RRAS2: variants seen among roughly 807,000 people sequenced by gnomAD.
RRAS2 encodes the protein ras-related protein R-Ras2.
RRAS2 carries 7 observed loss-of-function variants against 27.6 expected under a neutral mutation model. That is an observed-to-expected ratio of 0.25 (90% CI 0.14 to 0.48). The LOEUF (loss-of-function observed/expected upper bound fraction) is 0.48. Among genes scored for constraint, RRAS2 ranks in the 20% least tolerant of loss-of-function variants. RRAS2 has a pLI of 0.99. For synonymous variants in RRAS2, 86 were observed against 90.9 expected (o/e 0.95, Z 0.31); for missense variants, 178 against 256.2 (o/e 0.69, Z 2.08).
intron 4 of RRAS2, among the ~76,000 whole-genome samples, chr11:14,291,166 A>G (rs1480495328): frequency 6.6e-6 from 1 of 152,244 alleles, no homozygotes; most frequent in African/African-American, 2.4e-5. Flanking sequence ...ACAGGAAAAC[A>G]TACACATTAT....
Position 14,358,499 on chromosome 11 carries a change from G to A in RRAS2, c.108+264C>T. ...GGCCAGAGCAATAAGGTGGATCGGT[G>A]CTTCCCACCCTTCCAGCTCCGCCCT... On this transcript the variant is annotated intron_variant, in intron 1 of 5. Coordinates refer to ENST00000256196, the MANE Select transcript of RRAS2 (RefSeq NM_012250.6). This position sits in a 1 kb window ranked among gnomAD's most constrained non-coding sequence, Gnocchi z 5.1. 2.0e-6 allele frequency: 2 copies of A among 985,748 alleles called. No individual in the cohort carries two copies. The highest frequency in any genetic ancestry group is 2.4e-6 in the Non-Finnish European group (2 of 830,254). 61.1% of individuals were successfully genotyped at this position (985,748 alleles called of 1,614,324 possible). A position where few individuals can be genotyped will look rare whatever the true frequency, so the allele number is the denominator to read the frequency against.
chr11:14,325,759 T>C (rs900910914), intron 1 of RRAS2, among the ~76,000 whole-genome samples: 2 of 152,350 alleles, frequency 1.3e-5, no homozygotes, highest in African/African-American at 4.8e-5. Context: ...AAATTTTGTA[T>C]GGAAGACTGT....
At chr11:14,280,391 AAGT>A (rs1185505440) in intron 5 of RRAS2, among the ~76,000 whole-genome samples, 3 of 152,090 alleles carry the variant, frequency 2.0e-5, no homozygotes, top group African/African-American at 4.8e-5. Flanking sequence ...AGGAGCTAAT[AAGT>A]AGAAGATCAT....
intron 1 of RRAS2, among the ~76,000 whole-genome samples, chr11:14,314,942 C>G (rs1342520567): frequency 1.3e-5 from 2 of 152,188 alleles, no homozygotes; most frequent in Non-Finnish European, 2.9e-5. Flanking sequence ...CCGCCTCAGC[C>G]TCCCAAAGTG....
chr11:14,292,699 A>G (rs1393190579), intron 4 of RRAS2, among the ~76,000 whole-genome samples: 4 of 152,214 alleles, frequency 2.6e-5, no homozygotes, highest in Admixed American at 2.0e-4. Flanking sequence ...GAAATGAAGA[A>G]CAAATTTTTT....
intron 1 of RRAS2, among the ~76,000 whole-genome samples, chr11:14,332,708 G>A (rs547654419): frequency 7.2e-5 from 11 of 152,118 alleles, no homozygotes; most frequent in Admixed American, 3.3e-4. Flanking sequence ...TTCTTGGAGA[G>A]ATAGAAATGT....
intron 2 of RRAS2, 52 bp downstream of exon 2, chr11:14,295,716 C>CT (rs1483886803): frequency 7.0e-7 from 1 of 1,436,864 alleles, no homozygotes; most frequent in Non-Finnish European, 9.5e-7. Context: ...TCAGCGCTTA[C>CT]TTTTTTAAAA....
At chr11:14,351,702 C>T (rs1351123402) in intron 1 of RRAS2, among the ~76,000 whole-genome samples, 5 of 150,700 alleles carry the variant, frequency 3.3e-5, no homozygotes, top group African/African-American at 1.2e-4. Flanking sequence ...TGAACTCCAG[C>T]CTGGGCAACA....
chr11:14,280,069 T>C (rs539084648), intron 5 of RRAS2, among the ~76,000 whole-genome samples: 2 of 152,206 alleles, frequency 1.3e-5, no homozygotes, highest in South Asian at 4.1e-4. Flanking sequence ...GTCATAATTA[T>C]TTTAAGAAGG....
chr11:14,302,064 C>CCACACACACACACACACACACACACA (rs1391326999), intron 1 of RRAS2, among the ~76,000 whole-genome samples: 2 of 51,820 alleles, frequency 3.9e-5, no homozygotes, highest in Non-Finnish European at 8.0e-5. Context: ...AGTAAATGTA[C>CCACACACACACACACACACACACACA]CACACACATA....
intron 1 of RRAS2, among the ~76,000 whole-genome samples, chr11:14,354,787 T>C (rs782150156): frequency 1.7e-4 from 25 of 150,490 alleles, no homozygotes; most frequent in Non-Finnish European, 4.4e-5. Context: ...AGTGATTCTC[T>C]TGACTCAGCC....
intron 1 of RRAS2, among the ~76,000 whole-genome samples, chr11:14,331,452 C>T (rs966857551): frequency 6.6e-6 from 1 of 151,648 alleles, no homozygotes; most frequent in Non-Finnish European, 1.5e-5. Context: ...ATAACTTATC[C>T]AAAAAATTTT....
intron 1 of RRAS2, among the ~76,000 whole-genome samples, chr11:14,328,366 C>CAA (rs71041596): frequency 0.29 from 19,420 of 67,732 alleles, 2,105 homozygotes; most frequent in Middle Eastern, 0.37. Context: ...AACTCCAACT[C>CAA]AAAAAAAAAA....
intron 1 of RRAS2, among the ~76,000 whole-genome samples, chr11:14,328,882 T>A (rs1421573595): frequency 1.3e-5 from 2 of 151,830 alleles, no homozygotes; most frequent in Non-Finnish European, 2.9e-5. Context: ...CAGGCTGGTC[T>A]CAAACTGCCA....
At chr11:14,282,059 T>C (rs1240525888) in intron 4 of RRAS2, among the ~76,000 whole-genome samples, 11 of 152,158 alleles carry the variant, frequency 7.2e-5, no homozygotes, top group African/African-American at 1.4e-4. Context: ...AAAGCTTCCC[T>C]GAGGAAGTGA....
At chr11:14,313,371 T>C (rs879963594) in intron 1 of RRAS2, among the ~76,000 whole-genome samples, 3 of 152,162 alleles carry the variant, frequency 2.0e-5, no homozygotes, top group Non-Finnish European at 4.4e-5. Flanking sequence ...ATAATATAGG[T>C]CAGATTCTAT....
chr11:14,319,653 C>T (rs922698327), intron 1 of RRAS2, among the ~76,000 whole-genome samples: 3 of 151,884 alleles, frequency 2.0e-5, no homozygotes, highest in South Asian at 2.1e-4. Context: ...CCACCGCGCC[C>T]GGCCGGTTCC....
chr11:14,307,944 T>C (rs1485945868), intron 1 of RRAS2, among the ~76,000 whole-genome samples: 1 of 152,188 alleles, frequency 6.6e-6, no homozygotes, highest in Non-Finnish European at 1.5e-5. Flanking sequence ...AGAAATGATA[T>C]GTACAAGGTT....
At chr11:14,287,887 AAAAG>A (rs1157310001) in intron 4 of RRAS2, among the ~76,000 whole-genome samples, 3 of 151,672 alleles carry the variant, frequency 2.0e-5, no homozygotes, top group Non-Finnish European at 2.9e-5. Context: ...AAAAAAAAAA[AAAAG>A]AAGAAGAAAA....
Sources: allele counts gnomAD v4.1 joint callset (sites outside exome capture counted in the v4.1 genomes callset), GRCh38; gene constraint gnomAD v4.1.1; non-coding constraint Gnocchi (gnomAD v3.1); transcripts MANE v1.5; gene names NCBI Gene and HGNC (gene_info 2026-07-23, HGNC 2026-07-21).